The following MCRIP2 variants were observed in gnomAD, a reference collection of about 807,000 sequenced individuals.
MCRIP2 encodes MAPK regulated corepressor interacting protein 2.
In MCRIP2, 21 loss-of-function variants were observed where a neutral mutation model predicts 23.2. The observed-to-expected ratio is 0.90, with a 90% CI of 0.64 to 1.30. MCRIP2 has a LOEUF of 1.30. MCRIP2 is among the 50% of genes most tolerant of loss of function. The pLI, the probability that MCRIP2 is intolerant of heterozygous loss-of-function variation, is 0.00. For missense variants in MCRIP2, 234 were observed against 223.2 expected, an observed-to-expected ratio of 1.05 and a Z score of -0.31; for synonymous variants, 121 against 100.2, an observed-to-expected ratio of 1.21 and a Z score of -1.24.
chr16:642,012 G>C lies in MCRIP2; in HGVS notation c.21G>C (p.Gly7=), dbSNP rs1183234895. The change falls in exon 1 of 5, where the codon GGG becomes GGC. Residue 7 remains glycine (G), a synonymous_variant. Transcript: ENST00000307650. The stretch of plus-strand genomic sequence containing the variant: ...GCGTCATGTACACCATCACCAAGGG[G>C]CCCAGCAAGCTGGTCGCGCAGCGCC... MYTITK[G]PSKLVAQRRT... is the part of the protein sequence containing the mutation. 3.8e-6 allele frequency: 5 copies of C among 1,328,226 alleles called. No individual in the cohort carries two copies. The highest frequency in any genetic ancestry group is 2.4e-4 in the Middle Eastern group (1 of 4,102). 82.3% of individuals were successfully genotyped at this position (1,328,226 alleles called of 1,614,324 possible).
At position 647,442 on chromosome 16, in the gene MCRIP2, C is replaced by G; in HGVS notation, c.208C>G (p.Arg70Gly). Reference protein sequence around the residue: ...SSPGPRLVFNRVNGRRAPSTS... With the variant: ...SSPGPRLVFNGVNGRRAPSTS... Reference sequence around the variant, plus strand: ...TCCAGGGCCAAGGCTTGTGTTCAATCGTGTGAATGGCCGGCGGGCCCCCTC... The same window carrying G: ...TCCAGGGCCAAGGCTTGTGTTCAATGGTGTGAATGGCCGGCGGGCCCCCTC... Residue 70 changes from arginine to glycine, a missense_variant, in exon 3 of 5, where the codon CGT becomes GGT. Arg to Gly is a moderately radical substitution (Grantham distance 125, BLOSUM62 -2). Coordinates refer to ENST00000307650, the MANE Select transcript of MCRIP2 (RefSeq NM_138418.4). 1 of 1,613,484 alleles carries G rather than the reference C, an allele frequency of 6.2e-7. No homozygotes were observed. The highest frequency in any genetic ancestry group is 8.5e-7 in the Non-Finnish European group (1 of 1,179,986).
chr16:642,365 G>T (rs1162641001), intron 2 of MCRIP2, 116 bp downstream of exon 2: 1 of 1,013,296 alleles, frequency 9.9e-7, no homozygotes, highest in Admixed American at 5.1e-5. Context: ...CGTGCTGCAG[G>T]CGGGGCGGGC....
At chr16:647,583 G>A in intron 3 of MCRIP2, 39 bp downstream of exon 3, 1 of 1,606,652 alleles carries the variant, frequency 6.2e-7, no homozygotes, top group Non-Finnish European at 8.5e-7. Context: ...TAGGCTGCTG[G>A]GTCGCAAAAC....
Position 641,938 on chromosome 16 carries a change from G to C in MCRIP2, c.-54G>C, listed in dbSNP as rs910948860. 2 of 1,276,728 alleles carry C rather than the reference G, an allele frequency of 1.6e-6. No homozygotes were observed. The highest frequency in any genetic ancestry group is 2.0e-6 in the Non-Finnish European group (2 of 1,012,744). The allele number at this position is 1,276,728 out of a possible 1,614,324, so 79.1% of individuals were successfully genotyped here. A position where few individuals can be genotyped will look rare whatever the true frequency, so the allele number is the denominator to read the frequency against. On this transcript the variant is annotated 5_prime_UTR_variant, in exon 1 of 5. Coordinates refer to ENST00000307650, the MANE Select transcript of MCRIP2 (RefSeq NM_138418.4). ...CCGCAGTCCGTTAAGTGCGAGCCCC[G>C]GCGCAGGGGCCGGATCTGGCCGGGG...
chr16:646,063 G>C lies in MCRIP2; in HGVS notation c.183-1354G>C, dbSNP rs550211882. On this transcript the variant is annotated intron_variant, in intron 2 of 4. Transcript: ENST00000307650. The surrounding 1 kb of genome is among the most constrained non-coding windows in gnomAD (Gnocchi z 6.5). The stretch of plus-strand genomic sequence containing the variant: ...GTGATCCATAGGTGCTCGCCGGGCC[G>C]GTGCCCTTTCCCCCAGAGAGCAGCA... 1 of 152,160 alleles carries C rather than the reference G, an allele frequency of 6.6e-6. No individual in the cohort carries two copies. The highest frequency in any genetic ancestry group is 1.5e-5 in the Non-Finnish European group (1 of 68,032). 9.4% of individuals were successfully genotyped at this position (152,160 alleles called of 1,614,324 possible). A position where few individuals can be genotyped will look rare whatever the true frequency, so the allele number is the denominator to read the frequency against.
rs2037345788 is a variant in MCRIP2 at position 641,901 on chromosome 16, T to A, written c.-91T>A. 1 of 1,169,874 alleles carries A rather than the reference T, an allele frequency of 8.5e-7. No homozygotes were observed. Among genetic ancestry groups the A allele is most frequent in the South Asian group, 3.3e-5 (1 of 30,506 alleles). 72.5% of individuals were successfully genotyped at this position (1,169,874 alleles called of 1,614,324 possible). The stretch of plus-strand genomic sequence containing the variant: ...GGGGGCGTGTAGCGGGCCCGCCCCC[T>A]CCCCGCGGCGCCCGCAGTCCGTTAA... On this transcript the variant is annotated 5_prime_UTR_variant, in exon 1 of 5. Transcript: ENST00000307650.
At chr16:642,441 C>T in intron 2 of MCRIP2, 192 bp downstream of exon 2, 1 of 395,902 alleles carries the variant, frequency 2.5e-6, no homozygotes, top group Non-Finnish European at 3.8e-6. Context: ...CCTCGCACTT[C>T]CGCCTCACCT....
At chr16:647,607 T>C (rs2037520629) in intron 3 of MCRIP2, 63 bp downstream of exon 3, 1 of 1,593,374 alleles carries the variant, frequency 6.3e-7, no homozygotes, top group African/African-American at 1.3e-5. Context: ...GGACCCGGGA[T>C]GGCCCCACTT....
Position 642,169 on chromosome 16 carries a change from C to T in MCRIP2, c.102C>T (p.Cys34=). 1 of 1,350,578 alleles carries T rather than the reference C, an allele frequency of 7.4e-7. No individual in the cohort carries two copies. The highest frequency in any genetic ancestry group is 1.7e-5 in the South Asian group (1 of 58,630). 83.7% of individuals were successfully genotyped at this position (1,350,578 alleles called of 1,614,324 possible). The change falls in exon 2 of 5, where the codon TGC becomes TGT. Residue 34 remains cysteine (C), a synonymous_variant. Transcript: ENST00000307650. Reference sequence around the variant, plus strand: ...GCCGGCTCGGCGAGCTCCTGAAATGCCGGCAGCCCGCGCCGCCGACCTCGC... The same window carrying T: ...GCCGGCTCGGCGAGCTCCTGAAATGTCGGCAGCCCGCGCCGCCGACCTCGC... ...VEGRLGELLK[C]RQPAPPTSQP...
intron 2 of MCRIP2, 106 bp downstream of exon 2, chr16:642,355 C>A: frequency 2.9e-6 from 3 of 1,046,694 alleles, no homozygotes; most frequent in Non-Finnish European, 3.5e-6. Context: ...GGTCCGGCCA[C>A]GTGCTGCAGG....
Position 642,178 on chromosome 16 carries a change from C to T in MCRIP2, c.111C>T (p.Pro37=). The part of the protein sequence containing the change: ...RLGELLKCRQ[P]APPTSQPPRA... ...GCGAGCTCCTGAAATGCCGGCAGCC[C>T]GCGCCGCCGACCTCGCAGCCCCCGC... is the stretch of plus-strand genomic sequence containing the variant. Residue 37 remains proline (P), a synonymous_variant, in exon 2 of 5, where the codon CCC becomes CCT. Transcript: ENST00000307650. 7.4e-7 allele frequency: 1 copy of T among 1,343,200 alleles called. No homozygotes were observed. Among genetic ancestry groups the T allele is most frequent in the South Asian group, 1.7e-5 (1 of 57,320 alleles). The allele number at this position is 1,343,200 out of a possible 1,614,324, so 83.2% of individuals were successfully genotyped here.
At chr16:644,312 C>G (rs1028747576) in intron 2 of MCRIP2, among the ~76,000 whole-genome samples, 1 of 152,042 alleles carries the variant, frequency 6.6e-6, no homozygotes, top group African/African-American at 2.4e-5. Flanking sequence ...AACTCCCTAC[C>G]TCCGGTGATG....
In MCRIP2 at chr16:648,290, C is replaced by T; in HGVS notation, c.*100C>T. Reference sequence around the variant, plus strand: ...TGCGCCTGGCTGGGTGCCGGCCACACCTGAAGTGCCAGCATTTGGACTTTT... The same window carrying T: ...TGCGCCTGGCTGGGTGCCGGCCACATCTGAAGTGCCAGCATTTGGACTTTT... On this transcript the variant is annotated 3_prime_UTR_variant, in exon 5 of 5. Coordinates refer to ENST00000307650, the MANE Select transcript of MCRIP2 (RefSeq NM_138418.4). The T allele has an allele frequency of 8.5e-7, 1 of 1,173,616 alleles. No homozygotes were observed. The highest frequency in any genetic ancestry group is 1.5e-5 in the African/African-American group (1 of 65,718). The allele number at this position is 1,173,616 out of a possible 1,614,324, so 72.7% of individuals were successfully genotyped here.
rs757145072 is a variant in MCRIP2, at chr16:647,421, G to A, written c.187G>A (p.Gly63Arg). The A allele has an allele frequency of 5.6e-6, 9 of 1,613,442 alleles. No homozygotes were observed. The Admixed American group carries it at 1.5e-4, about 27-fold the overall frequency. ...PPGPWPLSSP[G>R]PRLVFNRVNG... ...CCGTCTCCTCCCTTCCTGCAGTCCA[G>A]GGCCAAGGCTTGTGTTCAATCGTGT... The change falls in exon 3 of 5, where the codon GGG becomes AGG. Residue 63 changes from glycine to arginine, a missense_variant. Transcript: ENST00000307650.
rs149842174 is a variant in MCRIP2 at position 642,316 on chromosome 16, G to A, written c.182+67G>A. 4.5e-3 allele frequency: 5,051 copies of A among 1,131,526 alleles called. 123 individuals are homozygous for A. The African/African-American group carries it at 0.057, about 13-fold the overall frequency. 70.1% of individuals were successfully genotyped at this position (1,131,526 alleles called of 1,614,324 possible). ...CCTCCCCCGCCGGCCGCCCTAGAGC[G>A]GAGGGTGACCTTGGGGAAATGTTAG... On this transcript the variant is annotated intron_variant, in intron 2 of 4. Coordinates refer to ENST00000307650, the MANE Select transcript of MCRIP2 (RefSeq NM_138418.4).
intron 2 of MCRIP2, among the ~76,000 whole-genome samples, chr16:643,572 T>G (rs1596449282): frequency 4.0e-5 from 5 of 126,532 alleles, no homozygotes; most frequent in Admixed American, 9.0e-5. Context: ...GGAGACAGAG[T>G]CTCCATCTGT....
rs575163626 is a variant in MCRIP2 at position 648,216 on chromosome 16, C to T, written c.*26C>T. The T allele has an allele frequency of 3.8e-6, 6 of 1,593,418 alleles. No homozygotes were observed. In the South Asian group the frequency reaches 5.6e-5, roughly 15 times the overall value. ...TGGCTGCTGGGAGGGGGCGCTGCTA[C>T]ACGGCCGACCTGTCGCCAGGAGAGA... On this transcript the variant is annotated 3_prime_UTR_variant, in exon 5 of 5. Coordinates refer to ENST00000307650, the MANE Select transcript of MCRIP2 (RefSeq NM_138418.4).
In MCRIP2 at chr16:647,574, A is replaced by T. The variant is rs780326773; in HGVS notation, c.310+30A>T. ...CGAGCGGGGCCAGAGGGTGCGGCAT[A>T]GGCTGCTGGGTCGCAAAACCATGGA... On this transcript the variant is annotated intron_variant, in intron 3 of 4. Transcript: ENST00000307650. The T allele has an allele frequency of 3.1e-6, 5 of 1,609,038 alleles. No homozygotes were observed. In the Admixed American group the frequency reaches 8.4e-5, roughly 27 times the overall value.
chr16:642,461 C>G (rs1414420226), intron 2 of MCRIP2: 1 of 320,380 alleles, frequency 3.1e-6, no homozygotes, highest in Non-Finnish European at 5.0e-6. Context: ...TGGCCGGGCC[C>G]GGGCCCCCAG....
Sources: gnomAD v4.1 joint callset for allele counts (sites outside exome capture counted in the v4.1 genomes callset) on GRCh38, gnomAD v4.1.1 for gene constraint, Gnocchi (gnomAD v3.1) non-coding constraint, MANE v1.5 for transcripts, NCBI Gene and HGNC (gene_info 2026-07-23, HGNC 2026-07-21) for gene names.